Variants in ASIC2 observed in about 807,000 individuals in gnomAD.
The protein encoded by ASIC2 is acid-sensing ion channel 2.
In ASIC2, 25 loss-of-function variants were observed where a neutral mutation model predicts 57.3. The observed-to-expected ratio is 0.44, with a 90% CI of 0.32 to 0.61. ASIC2 has a LOEUF of 0.61. Among genes scored for constraint, ASIC2 ranks in the 20% least tolerant of loss-of-function variants. ASIC2 has a pLI of 0.06. For missense variants in ASIC2, 641 were observed against 738.1 expected (o/e 0.87, Z 1.52); for synonymous variants, 319 against 307.5 (o/e 1.04, Z -0.39).
upstream of ASIC2, among the ~76,000 whole-genome samples, chr17:33,297,344 C>G (rs1396421964): frequency 6.6e-6 from 1 of 152,188 alleles, no homozygotes; most frequent in Non-Finnish European, 1.5e-5. Flanking sequence ...GTACTTCTAG[C>G]TCCTGATATT....
chr17:33,091,755 T>C (rs2092158434), intron 2 of ASIC2, among the ~76,000 whole-genome samples: 1 of 152,126 alleles, frequency 6.6e-6, no homozygotes, highest in African/African-American at 2.4e-5. Flanking sequence ...TGGATGGACA[T>C]GAGTGGGAGC....
upstream of ASIC2, among the ~76,000 whole-genome samples, chr17:33,295,923 C>T (rs114288701): frequency 0.012 from 1,845 of 152,150 alleles, 38 homozygotes; most frequent in African/African-American, 0.042. Context: ...TGGGCTTAAG[C>T]TGTCCTCCTG....
At chr17:33,333,385 T>C (rs1474627885) in intron 1 of ASIC2, among the ~76,000 whole-genome samples, 1 of 152,206 alleles carries the variant, frequency 6.6e-6, no homozygotes, top group Admixed American at 6.5e-5. Context: ...CCAAAGGCTG[T>C]GGGAAATCAT....
At chr17:33,636,476 C>G (rs376959612) in intron 1 of ASIC2, among the ~76,000 whole-genome samples, 19 of 152,096 alleles carry the variant, frequency 1.2e-4, no homozygotes, top group African/African-American at 4.6e-4. Context: ...CTGTAGAGAG[C>G]TAACAGGACC....
intron 1 of ASIC2, among the ~76,000 whole-genome samples, chr17:33,408,689 G>T (rs568649549): frequency 6.6e-6 from 1 of 152,152 alleles, no homozygotes; most frequent in African/African-American, 2.4e-5. Flanking sequence ...ATAAACAAAT[G>T]AACAAACAAA....
intron 1 of ASIC2, among the ~76,000 whole-genome samples, chr17:33,978,555 C>T (rs998291832): frequency 2.6e-5 from 4 of 152,262 alleles, no homozygotes; most frequent in Admixed American, 1.3e-4. Flanking sequence ...AGTGCACACT[C>T]ACAGCCAGCT....
intron 1 of ASIC2, among the ~76,000 whole-genome samples, chr17:34,009,605 A>G (rs1337112555): frequency 1.3e-5 from 2 of 152,248 alleles, no homozygotes; most frequent in African/African-American, 2.4e-5. Context: ...TGAATCACAT[A>G]TGAGGCTCAC....
rs1363964522 is a variant in ASIC2, at chr17:33,743,419, G to T, written c.555+412559C>A. ...CTCTCCCCTCAGTTCCCAAGCTAGG[G>T]TTACCACATGTGATAGTTAATTTTA... On this transcript the variant is annotated intron_variant, in intron 1 of 9. Transcript: ENST00000359872. Among the ~76,000 whole-genome samples, 4 of 152,346 alleles carry T rather than the reference G, an allele frequency of 2.6e-5. No homozygotes were observed. In the South Asian group the frequency reaches 8.3e-4, roughly 32 times the overall value.
chr17:33,052,103 G>A (rs749497488), intron 3 of ASIC2: 1 of 152,166 alleles, frequency 6.6e-6, no homozygotes, highest in Non-Finnish European at 1.5e-5. Flanking sequence ...GTCTGAAAGA[G>A]GAACCCATGG....
At chr17:33,412,061 C>A (rs7221696) in intron 1 of ASIC2, among the ~76,000 whole-genome samples, 144,532 of 152,228 alleles carry the variant, frequency 0.95, 68,682 homozygotes, top group East Asian at 0.98. Flanking sequence ...CAAAAACACA[C>A]AAAAAACAAA....
intron 1 of ASIC2, among the ~76,000 whole-genome samples, chr17:33,760,468 G>GTA (rs1163649439): frequency 1.3e-5 from 2 of 151,876 alleles, no homozygotes; most frequent in South Asian, 2.1e-4. Flanking sequence ...ATAAGTGTGT[G>GTA]TGTATATATA....
intron 1 of ASIC2, among the ~76,000 whole-genome samples, chr17:33,565,076 C>T (rs1170181265): frequency 6.6e-6 from 1 of 152,178 alleles, no homozygotes; most frequent in East Asian, 1.9e-4. Context: ...TGATTTCCCA[C>T]TTCACACCTC....
At chr17:33,337,344 A>G (rs1367963289) in intron 1 of ASIC2, among the ~76,000 whole-genome samples, 1 of 152,186 alleles carries the variant, frequency 6.6e-6, no homozygotes, top group African/African-American at 2.4e-5. Flanking sequence ...CAAGGATCCT[A>G]CATTTTACAG....
In ASIC2 at chr17:33,416,348, C is replaced by T. The variant is rs555426850; in HGVS notation, c.556-304281G>A. 8.5e-5 allele frequency among the ~76,000 whole-genome samples: 13 copies of T among 152,322 alleles called. No individual in the cohort carries two copies. The East Asian group carries it at 2.5e-3, about 29-fold the overall frequency. ...CACCATTCATCATGGCAGTTGACAT[C>T]CACACTTCCTCTTTTTTCGATTTGC... On this transcript the variant is annotated intron_variant, in intron 1 of 9. Transcript: ENST00000359872.
intron 1 of ASIC2, among the ~76,000 whole-genome samples, chr17:33,908,117 C>A (rs929325884): frequency 2.0e-5 from 3 of 152,178 alleles, no homozygotes; most frequent in African/African-American, 7.2e-5. Flanking sequence ...AGCAGCTTTC[C>A]ATCATTCTCT....
At chr17:33,170,164 T>A (rs1905456388) in intron 1 of ASIC2, among the ~76,000 whole-genome samples, 2 of 152,178 alleles carry the variant, frequency 1.3e-5, no homozygotes, top group Admixed American at 1.3e-4. Flanking sequence ...TTTTCTCAAG[T>A]TTTACTCACC....
chr17:33,464,509 TTTC>T (rs1567620985), intron 1 of ASIC2, among the ~76,000 whole-genome samples: 1 of 49,394 alleles, frequency 2.0e-5, no homozygotes. Flanking sequence ...TCTTTCTTTC[TTTC>T]TTTCTTTCTT....
At chr17:33,654,422 C>A (rs1408464834) in intron 1 of ASIC2, among the ~76,000 whole-genome samples, 2 of 152,202 alleles carry the variant, frequency 1.3e-5, no homozygotes, top group Non-Finnish European at 2.9e-5. Flanking sequence ...CTGTGCTTGG[C>A]TTCTTGGCTC....
rs1555572867 is a variant in ASIC2 at position 33,932,741 on chromosome 17, A to AAATAT, written c.555+223236_555+223237insATATT. The stretch of plus-strand genomic sequence containing the variant: ...AAAAAAAAAAAAAAAAAAAAAAAAA[A>AAATAT]ATATATATATATATATATATAGTAT... On this transcript the variant is annotated intron_variant, in intron 1 of 9. Transcript: ENST00000359872. 7.2e-4 allele frequency: 42 copies of AAATAT among 58,682 alleles called. 1 individual carries two copies. The highest frequency in any genetic ancestry group is 2.8e-3 in the African/African-American group (41 of 14,740). The allele number at this position is 58,682 out of a possible 1,614,324, so 3.6% of individuals were successfully genotyped here. A position where few individuals can be genotyped will look rare whatever the true frequency, so the allele number is the denominator to read the frequency against.
Sources: gnomAD v4.1 joint callset for allele counts (sites outside exome capture counted in the v4.1 genomes callset) on GRCh38, gnomAD v4.1.1 for gene constraint, MANE v1.5 for transcripts, NCBI Gene and HGNC (gene_info 2026-07-23, HGNC 2026-07-21) for gene names.